The following TBL1X variants were observed in gnomAD, a reference collection of about 807,000 sequenced individuals.
The protein encoded by TBL1X is transducin beta like 1 X-linked, also known as F-box-like/WD repeat-containing protein TBL1X.
TBL1X carries 10 observed loss-of-function variants against 50.7 expected under a neutral mutation model. The ratio of observed to expected loss-of-function variants is 0.20; its 90% CI spans 0.12 to 0.33. TBL1X has a LOEUF of 0.33. Among genes scored for constraint, TBL1X ranks in the 10% least tolerant of loss-of-function variants. The pLI, the probability that TBL1X is intolerant of heterozygous loss-of-function variation, is 1.00. For synonymous variants in TBL1X, 190 were observed against 214.7 expected (o/e 0.88, Z 1.01); for missense variants, 340 against 504.4 (o/e 0.67, Z 3.12).
intron 2 of TBL1X, among the ~76,000 whole-genome samples, chrX:9,518,577 T>C (rs1450047920): frequency 2.7e-5 from 3 of 111,955 alleles, no homozygotes; most frequent in Non-Finnish European, 5.6e-5. Context: ...TGTTGCTGGC[T>C]TTGTCCTATA....
At position 9,589,397 on chromosome X, in the gene TBL1X, C is replaced by T. The variant is rs180962801; in HGVS notation, c.-130-50876C>T. 3.4e-3 allele frequency among the ~76,000 whole-genome samples: 374 copies of T among 108,451 alleles called. 1 individual carries two copies. Among genetic ancestry groups the T allele is most frequent in the African/African-American group, 0.012 (355 of 29,599 alleles). 94.2% of individuals were successfully genotyped at this position (108,451 alleles called of 115,157 possible). ...TCTTGGTGGCGCCAGGCTCCAGTTC[C>T]CTTGTAGATGCTACAAGGGAACTCT... On this transcript the variant is annotated intron_variant, in intron 2 of 17. Transcript: ENST00000645353.
chrX:9,677,624 C>T (rs1441513877), intron 5 of TBL1X, among the ~76,000 whole-genome samples: 1 of 111,381 alleles, frequency 9.0e-6, no homozygotes, highest in Admixed American at 9.6e-5. Context: ...TCCTCCCTCT[C>T]TCTTTCTCAG....
At chrX:9,509,365 CAA>C (rs35090230) in intron 2 of TBL1X, among the ~76,000 whole-genome samples, 1,394 of 50,358 alleles carry the variant, frequency 0.028, 11 homozygotes, top group Non-Finnish European at 0.038. Context: ...GACTCTGTCT[CAA>C]AAAAAAAAAA....
chrX:9,489,519 A>G (rs1251066537), intron 1 of TBL1X, among the ~76,000 whole-genome samples: 1 of 111,384 alleles, frequency 9.0e-6, no homozygotes, highest in Non-Finnish European at 1.9e-5. Flanking sequence ...CTGGGCTTAT[A>G]TGGGAATAGG....
At chrX:9,675,075 T>C (rs968767695) in intron 5 of TBL1X, among the ~76,000 whole-genome samples, 1 of 112,183 alleles carries the variant, frequency 8.9e-6, no homozygotes, top group Non-Finnish European at 1.9e-5. Context: ...CTCACGCTAC[T>C]TAAAATTATT....
rs182398269 is a variant in TBL1X, at chrX:9,521,387, C to T, written c.-131+19538C>T. 4.5e-5 allele frequency among the ~76,000 whole-genome samples: 5 copies of T among 111,779 alleles called. No individual in the cohort carries two copies. In the East Asian group the frequency reaches 1.4e-3, roughly 32 times the overall value. On this transcript the variant is annotated intron_variant, in intron 2 of 17. Transcript: ENST00000645353. ...CTGACCCAGGCTTTCAGATTGTACA[C>T]TGGGGAGCAGAGAGTGCGTGCTTGG...
At position 9,717,482 on chromosome X, in the gene TBL1X, G is replaced by A. The variant is rs1353336918; in HGVS notation, c.*1236G>A. On this transcript the variant is annotated 3_prime_UTR_variant, in exon 18 of 18. Coordinates refer to ENST00000645353, the MANE Select transcript of TBL1X (RefSeq NM_005647.4). ...CGAGATTGCTCTGCAGCCAGTGAGGGAGGTCCCCGCCATGCCGGCTGGAAG... is the reference window on the plus strand; with the variant it reads ...CGAGATTGCTCTGCAGCCAGTGAGGAAGGTCCCCGCCATGCCGGCTGGAAG... 1 of 112,174 alleles carries A rather than the reference G, an allele frequency of 8.9e-6. No homozygotes were observed. Among genetic ancestry groups the A allele is most frequent in the East Asian group, 2.8e-4 (1 of 3,550 alleles). The allele number at this position is 112,174 out of a possible 1,213,427, so 9.2% of individuals were successfully genotyped here.
chrX:9,550,616 T>C (rs1222881811), intron 2 of TBL1X, among the ~76,000 whole-genome samples: 4 of 111,817 alleles, frequency 3.6e-5, no homozygotes, highest in Non-Finnish European at 1.9e-5. Context: ...ATTTTGGTCA[T>C]TTTTTGGAAT....
intron 2 of TBL1X, among the ~76,000 whole-genome samples, chrX:9,538,412 G>A (rs893587891): frequency 3.6e-5 from 4 of 111,723 alleles, no homozygotes; most frequent in Non-Finnish European, 5.6e-5. Context: ...ATTTCTCCAA[G>A]GGCACCGACT....
chrX:9,709,460 G>A (rs2083230921), intron 14 of TBL1X, 138 bp downstream of exon 14: 1 of 970,367 alleles, frequency 1.0e-6, no homozygotes. Flanking sequence ...GGTGAGCTAC[G>A]ATTTCTCAGT....
At chrX:9,551,562 C>G (rs765894217) in intron 2 of TBL1X, among the ~76,000 whole-genome samples, 4 of 111,067 alleles carry the variant, frequency 3.6e-5, no homozygotes, top group Non-Finnish European at 7.5e-5. Flanking sequence ...TTGCAAGGTC[C>G]CCCTCAGCTT....
intron 2 of TBL1X, among the ~76,000 whole-genome samples, chrX:9,522,340 C>T (rs1326185831): frequency 1.4e-4 from 16 of 111,570 alleles, no homozygotes; most frequent in Non-Finnish European, 2.3e-4. Context: ...TTCAGTAGCT[C>T]CATATGGGGA....
chrX:9,582,756 A>G (rs1240931183), intron 2 of TBL1X, among the ~76,000 whole-genome samples: 1 of 112,385 alleles, frequency 8.9e-6, no homozygotes, highest in Non-Finnish European at 1.9e-5. Context: ...TATATAGTTC[A>G]GATGCTTGCC....
At chrX:9,669,053 T>C (rs997484416) in intron 5 of TBL1X, among the ~76,000 whole-genome samples, 2 of 112,236 alleles carry the variant, frequency 1.8e-5, no homozygotes, top group Non-Finnish European at 3.8e-5. Flanking sequence ...AGAAAAATTA[T>C]GTTTCAAAAA....
intron 13 of TBL1X, among the ~76,000 whole-genome samples, chrX:9,706,234 A>G (rs1439854676): frequency 9.0e-6 from 1 of 111,228 alleles, no homozygotes; most frequent in Non-Finnish European, 1.9e-5. Context: ...AAGGTTAGAG[A>G]GCATAGAAAT....
intron 2 of TBL1X, among the ~76,000 whole-genome samples, chrX:9,570,617 T>A (rs1373117591): frequency 9.0e-6 from 1 of 110,975 alleles, no homozygotes; most frequent in African/African-American, 3.3e-5. Flanking sequence ...TCAAAGAATG[T>A]TGGTTTTTTT....
intron 1 of TBL1X, among the ~76,000 whole-genome samples, chrX:9,487,840 A>G (rs936952060): frequency 1.8e-5 from 2 of 110,644 alleles, no homozygotes; most frequent in African/African-American, 6.6e-5. Flanking sequence ...GGAAGCTTGC[A>G]TTTCCCAAAG....
chrX:9,505,043 C>G lies in TBL1X; in HGVS notation c.-131+3194C>G, dbSNP rs144877890. On this transcript the variant is annotated intron_variant, in intron 2 of 17. Coordinates refer to ENST00000645353, the MANE Select transcript of TBL1X (RefSeq NM_005647.4). ...TCCAAGGTCGAAATGAAGGATAAAA[C>G]TAAGGGCAGCCAGAGAGAAAGGCTA... 7.3e-3 allele frequency among the ~76,000 whole-genome samples: 811 copies of G among 111,745 alleles called. 1 individual carries two copies. The highest frequency in any genetic ancestry group is 0.024 in the African/African-American group (751 of 30,814).
At chrX:9,508,593 A>G (rs2082037825) in intron 2 of TBL1X, among the ~76,000 whole-genome samples, 1 of 112,175 alleles carries the variant, frequency 8.9e-6, no homozygotes, top group African/African-American at 3.2e-5. Flanking sequence ...CTGGATATAT[A>G]CCCAAAGTAA....
Sources: allele counts gnomAD v4.1 joint callset (sites outside exome capture counted in the v4.1 genomes callset), GRCh38; gene constraint gnomAD v4.1.1; transcripts MANE v1.5; gene names NCBI Gene and HGNC (gene_info 2026-07-23, HGNC 2026-07-21).